NAA11: variants seen among roughly 807,000 people sequenced by gnomAD.
The protein encoded by NAA11 is N-alpha-acetyltransferase 11.
NAA11 carries 15 observed loss-of-function variants against 16.1 expected under a neutral mutation model. The ratio of observed to expected loss-of-function variants is 0.93; its 90% CI spans 0.62 to 1.44. The LOEUF (loss-of-function observed/expected upper bound fraction) is 1.44, where lower values mean the gene tolerates loss of function less well. Among genes scored for constraint, NAA11 ranks in the 40% most tolerant of loss-of-function variants. The pLI, the probability that NAA11 is intolerant of heterozygous loss-of-function variation, is 0.00. For synonymous variants in NAA11, 122 were observed against 112.4 expected (o/e 1.09, Z -0.54); for missense variants, 298 against 291.3 (o/e 1.02, Z -0.17).
intron 1 of NAA11, among the ~76,000 whole-genome samples, chr4:79,302,663 G>C (rs191995807): frequency 6.6e-6 from 1 of 151,882 alleles, no homozygotes; most frequent in East Asian, 1.9e-4. Context: ...CATATCTATA[G>C]CATCAACTAC....
At chr4:79,156,422 T>G in the NAA11 span, among the ~76,000 whole-genome samples, 1 of 152,158 alleles carries the variant, frequency 6.6e-6, no homozygotes, top group Non-Finnish European at 1.5e-5. Context: ...CACACCATTA[T>G]AGAGGCTGGC....
chr4:79,242,300 A>G (rs907356956), intron 2 of NAA11, among the ~76,000 whole-genome samples: 1 of 152,108 alleles, frequency 6.6e-6, no homozygotes, highest in Non-Finnish European at 1.5e-5. Flanking sequence ...TTCCCTGCCT[A>G]CCAGTTTCAG....
chr4:79,155,488 C>T, the NAA11 span, among the ~76,000 whole-genome samples: 14 of 152,286 alleles, frequency 9.2e-5, no homozygotes, highest in African/African-American at 3.1e-4. Context: ...GCTCTTTGCA[C>T]AGTGAATTCT....
intron 1 of NAA11, among the ~76,000 whole-genome samples, chr4:79,302,335 A>G (rs1241402729): frequency 6.6e-6 from 1 of 152,184 alleles, no homozygotes; most frequent in Non-Finnish European, 1.5e-5. Flanking sequence ...TAATTCATCT[A>G]TACAATAAGT....
In NAA11 at chr4:79,278,309, G is replaced by A. The variant is rs145777671; in HGVS notation, c.*122+15696C>T. On this transcript the variant is annotated intron_variant and NMD_transcript_variant, in intron 2 of 2. Coordinates refer to the NAA11 transcript ENST00000511542. ...CAGCCAATGAACGTCTCATTATGCT[G>A]TTTTCTTTCTTAAACACATCTTATT... Among the ~76,000 whole-genome samples, 430 of 152,120 alleles carry A rather than the reference G, an allele frequency of 2.8e-3. 3 individuals carry two copies. Among genetic ancestry groups the A allele is most frequent in the African/African-American group, 9.9e-3 (411 of 41,518 alleles).
chr4:79,268,418 G>A (rs929264793), intron 2 of NAA11, among the ~76,000 whole-genome samples: 3 of 152,130 alleles, frequency 2.0e-5, no homozygotes, highest in African/African-American at 7.2e-5. Flanking sequence ...TTGCCAAGGA[G>A]GCTAATGGCT....
At chr4:79,224,603 G>A (rs1721270760), downstream of NAA11, among the ~76,000 whole-genome samples, 1 of 152,114 alleles carries the variant, frequency 6.6e-6, no homozygotes, top group Admixed American at 6.6e-5. Context: ...ACAGAGATCA[G>A]AGGGGTGATT....
At chr4:79,314,992 TAAG>T (rs1242668075), downstream of NAA11, among the ~76,000 whole-genome samples, 1 of 152,144 alleles carries the variant, frequency 6.6e-6, no homozygotes, top group African/African-American at 2.4e-5. Flanking sequence ...AATGTATATT[TAAG>T]AAGGGGAATC....
chr4:79,281,980 T>C (rs1202214188), intron 2 of NAA11, among the ~76,000 whole-genome samples: 1 of 152,152 alleles, frequency 6.6e-6, no homozygotes, highest in East Asian at 1.9e-4. Context: ...TTTGAGGAAC[T>C]TGAAAAGCAA....
the NAA11 span, among the ~76,000 whole-genome samples, chr4:79,189,349 G>A: frequency 6.6e-6 from 1 of 151,930 alleles, no homozygotes; most frequent in African/African-American, 2.4e-5. Flanking sequence ...ATGTTGGGGT[G>A]TTTCTAAAAG....
the NAA11 span, among the ~76,000 whole-genome samples, chr4:79,185,838 G>A: frequency 1.3e-5 from 2 of 151,934 alleles, no homozygotes; most frequent in African/African-American, 4.8e-5. Context: ...TTGTCTGAAA[G>A]CTGGTTAAGT....
chr4:79,308,858 G>T (rs2110008817), intron 1 of NAA11: 1 of 151,458 alleles, frequency 6.6e-6, no homozygotes, highest in East Asian at 1.9e-4. Flanking sequence ...GTTAGACTGA[G>T]TTTTTTTTTA....
chr4:79,181,565 G>A, the NAA11 span, among the ~76,000 whole-genome samples: 1 of 152,124 alleles, frequency 6.6e-6, no homozygotes, highest in African/African-American at 2.4e-5. Flanking sequence ...GAGACCATAA[G>A]GTGGTTTCCA....
intron 1 of NAA11, among the ~76,000 whole-genome samples, chr4:79,310,301 G>C (rs1015618639): frequency 2.6e-5 from 4 of 152,214 alleles, no homozygotes; most frequent in Non-Finnish European, 5.9e-5. Context: ...TAAAAAGGAA[G>C]TGGATGAAAC....
At chr4:79,273,180 G>T (rs1356195615) in intron 2 of NAA11, among the ~76,000 whole-genome samples, 1 of 151,906 alleles carries the variant, frequency 6.6e-6, no homozygotes, top group Admixed American at 6.6e-5. Flanking sequence ...CCTTTCGATG[G>T]GGGAGTGACA....
At chr4:79,173,116 G>A in the NAA11 span, among the ~76,000 whole-genome samples, 14 of 152,298 alleles carry the variant, frequency 9.2e-5, no homozygotes, top group African/African-American at 3.4e-4. Context: ...AGATTTTGAA[G>A]ATAGTTTCTG....
chr4:79,315,680 A>G (rs2110013696), downstream of NAA11, among the ~76,000 whole-genome samples: 1 of 152,048 alleles, frequency 6.6e-6, no homozygotes, highest in African/African-American at 2.4e-5. Context: ...TCCCTTCAGA[A>G]TTAAAAAAAA....
At chr4:79,312,023 T>C (rs1723784334), downstream of NAA11, among the ~76,000 whole-genome samples, 3 of 152,304 alleles carry the variant, frequency 2.0e-5, no homozygotes, top group South Asian at 4.1e-4. Context: ...CATTAATCTA[T>C]CTGCCACTTT....
intron 2 of NAA11, among the ~76,000 whole-genome samples, chr4:79,287,806 T>C (rs1722976327): frequency 6.6e-6 from 1 of 152,222 alleles, no homozygotes; most frequent in Non-Finnish European, 1.5e-5. Context: ...GACAACTAAA[T>C]AGGATCTTAA....
Sources: allele counts gnomAD v4.1 joint callset (sites outside exome capture counted in the v4.1 genomes callset), GRCh38; gene constraint gnomAD v4.1.1; transcripts MANE v1.5; gene names NCBI Gene and HGNC (gene_info 2026-07-23, HGNC 2026-07-21).